The following ADGRL3 variants were observed in gnomAD, a reference collection of about 807,000 sequenced individuals.
ADGRL3 encodes adhesion G protein-coupled receptor L3, also known as calcium-independent alpha-latrotoxin receptor 3.
ADGRL3 carries 62 observed loss-of-function variants against 153.5 expected under a neutral mutation model. That is an observed-to-expected ratio of 0.40 (90% confidence interval 0.33 to 0.50). The LOEUF is 0.50. Ranked by LOEUF, ADGRL3 falls within the 20% of genes least tolerant of loss-of-function variation. ADGRL3 has a pLI of 0.47. For synonymous variants in ADGRL3, 710 were observed against 672.5 expected (o/e 1.06, Z -0.86); for missense variants, 1,641 against 1,859.4 (o/e 0.88, Z 2.16).
At chr4:61,716,830 A>C (rs998213012) in intron 6 of ADGRL3, among the ~76,000 whole-genome samples, 1 of 152,166 alleles carries the variant, frequency 6.6e-6, no homozygotes, top group Admixed American at 6.5e-5. Flanking sequence ...CAAAAAGCCC[A>C]TTGTCATAGC....
chr4:62,054,428 T>C (rs1411079014), intron 25 of ADGRL3, among the ~76,000 whole-genome samples: 1 of 151,654 alleles, frequency 6.6e-6, no homozygotes, highest in African/African-American at 2.4e-5. Context: ...CTAAAATCTC[T>C]AAAGAGCTTT....
chr4:61,784,070 T>C (rs1291353612), intron 8 of ADGRL3, among the ~76,000 whole-genome samples: 1 of 152,108 alleles, frequency 6.6e-6, no homozygotes, highest in Non-Finnish European at 1.5e-5. Flanking sequence ...GCCTAGAAAG[T>C]AGTCTTATGA....
At chr4:61,593,252 T>C (rs2098976580) in intron 5 of ADGRL3, among the ~76,000 whole-genome samples, 1 of 152,176 alleles carries the variant, frequency 6.6e-6, no homozygotes, top group African/African-American at 2.4e-5. Flanking sequence ...TGATTCATCA[T>C]TTAGTCCTTC....
intron 1 of ADGRL3, among the ~76,000 whole-genome samples, chr4:61,223,194 T>C (rs549599774): frequency 2.0e-5 from 3 of 152,318 alleles, no homozygotes; most frequent in South Asian, 2.1e-4. Flanking sequence ...TCTTCTTAAT[T>C]ACTGGATAGA....
chr4:61,835,540 C>T (rs1481515971), intron 9 of ADGRL3, among the ~76,000 whole-genome samples: 2 of 152,022 alleles, frequency 1.3e-5, no homozygotes, highest in African/African-American at 4.8e-5. Flanking sequence ...TCCTTTTAAA[C>T]TTTTATTATC....
At chr4:61,994,790 AT>A (rs2099116061) in intron 19 of ADGRL3, among the ~76,000 whole-genome samples, 1 of 151,940 alleles carries the variant, frequency 6.6e-6, no homozygotes, top group Non-Finnish European at 1.5e-5. Flanking sequence ...TCCATCAAAA[AT>A]ATATTGTGTG....
chr4:61,435,897 T>C (rs2097439556), intron 2 of ADGRL3, among the ~76,000 whole-genome samples: 1 of 152,148 alleles, frequency 6.6e-6, no homozygotes, highest in Non-Finnish European at 1.5e-5. Context: ...CATTTTTAGT[T>C]AGTATTTCTA....
At chr4:61,736,547 A>G (rs767809106) in intron 8 of ADGRL3, among the ~76,000 whole-genome samples, 4 of 152,132 alleles carry the variant, frequency 2.6e-5, no homozygotes, top group Non-Finnish European at 5.9e-5. Flanking sequence ...AATCCTAGCT[A>G]CTAGGGAGGT....
intron 1 of ADGRL3, among the ~76,000 whole-genome samples, chr4:61,347,665 A>G (rs900479692): frequency 1.5e-5 from 2 of 131,478 alleles, no homozygotes; most frequent in Admixed American, 7.5e-5. Flanking sequence ...AAAACTGTGC[A>G]TATGCTGTGA....
intron 4 of ADGRL3, among the ~76,000 whole-genome samples, chr4:61,584,649 G>A (rs2098939250): frequency 6.6e-6 from 1 of 152,002 alleles, no homozygotes; most frequent in South Asian, 2.1e-4. Context: ...TTTGGAAGCA[G>A]TTTCAATGTG....
chr4:61,204,529 C>T (rs1044266320), intron 1 of ADGRL3, among the ~76,000 whole-genome samples: 1 of 152,100 alleles, frequency 6.6e-6, no homozygotes, highest in African/African-American at 2.4e-5. Context: ...TCATACATTC[C>T]ACAGGTCCTG....
chr4:62,060,319 T>A (rs571049522), intron 25 of ADGRL3, among the ~76,000 whole-genome samples: 1 of 152,100 alleles, frequency 6.6e-6, no homozygotes, highest in East Asian at 1.9e-4. Flanking sequence ...CCTTATTATT[T>A]GTTTTCCAAT....
At chr4:61,694,976 C>A (rs2095613799) in intron 6 of ADGRL3, among the ~76,000 whole-genome samples, 1 of 152,184 alleles carries the variant, frequency 6.6e-6, no homozygotes, top group Admixed American at 6.6e-5. Flanking sequence ...AAGATTGCAG[C>A]AATTCAGTCA....
intron 21 of ADGRL3, among the ~76,000 whole-genome samples, chr4:62,025,566 CTG>C (rs980215356): frequency 6.6e-6 from 1 of 152,070 alleles, no homozygotes; most frequent in Non-Finnish European, 1.5e-5. Flanking sequence ...ATATGGGTAA[CTG>C]AATCTTCTTA....
intron 7 of ADGRL3, among the ~76,000 whole-genome samples, chr4:61,732,089 C>A (rs1420590286): frequency 6.6e-6 from 1 of 151,980 alleles, no homozygotes; most frequent in East Asian, 1.9e-4. Context: ...TTTCTGTAAC[C>A]TTTCACCTTT....
chr4:61,514,031 C>A (rs886578263), intron 3 of ADGRL3, among the ~76,000 whole-genome samples: 1 of 152,106 alleles, frequency 6.6e-6, no homozygotes, highest in Non-Finnish European at 1.5e-5. Flanking sequence ...AGAATCCTTT[C>A]TCTTAAAGGT....
intron 8 of ADGRL3, among the ~76,000 whole-genome samples, chr4:61,785,053 A>G (rs1450307883): frequency 6.6e-6 from 1 of 152,198 alleles, no homozygotes; most frequent in East Asian, 1.9e-4. Flanking sequence ...CTACCTGTAA[A>G]TAAATGAATA....
At chr4:61,894,592 T>A (rs545992296) in intron 10 of ADGRL3, among the ~76,000 whole-genome samples, 1 of 152,296 alleles carries the variant, frequency 6.6e-6, no homozygotes, top group Admixed American at 6.5e-5. Flanking sequence ...ACACTTTATT[T>A]GAAAGCACTT....
At position 61,766,575 on chromosome 4, in the gene ADGRL3, C is replaced by T. The variant is rs575271786; in HGVS notation, c.1399+33021C>T. 3.4e-4 allele frequency among the ~76,000 whole-genome samples: 51 copies of T among 151,936 alleles called. No homozygotes were observed. The East Asian group carries it at 8.1e-3, about 24-fold the overall frequency. On this transcript the variant is annotated intron_variant, in intron 8 of 26. Coordinates refer to ENST00000683033, the MANE Select transcript of ADGRL3 (RefSeq NM_001387552.1). ...TCGGACACGATTGGCAGGGAGAGCACGTGTGTTTTTATGAGAATTATGCCA... is the reference window on the plus strand; with the variant it reads ...TCGGACACGATTGGCAGGGAGAGCATGTGTGTTTTTATGAGAATTATGCCA...
Sources: gnomAD v4.1 joint callset for allele counts (sites outside exome capture counted in the v4.1 genomes callset) on GRCh38, gnomAD v4.1.1 for gene constraint, MANE v1.5 for transcripts, NCBI Gene and HGNC (gene_info 2026-07-23, HGNC 2026-07-21) for gene names.